Variants in GRM4 observed in about 807,000 individuals in gnomAD.
GRM4 encodes metabotropic glutamate receptor 4.
Under a neutral mutation model 81.7 loss-of-function variants are expected in GRM4, and 28 were observed. That is an observed-to-expected ratio of 0.34 (90% CI 0.25 to 0.47). The LOEUF is 0.47. Ranked by LOEUF, GRM4 falls within the 20% of genes least tolerant of loss-of-function variation. The pLI is 1.00. For synonymous variants in GRM4, 488 were observed against 528.8 expected (o/e 0.92, Z 1.06); for missense variants, 948 against 1,290.0 (o/e 0.73, Z 4.06).
chr6:34,097,002 C>T (rs1264972785), intron 2 of GRM4, among the ~76,000 whole-genome samples: 2 of 152,080 alleles, frequency 1.3e-5, no homozygotes, highest in African/African-American at 2.4e-5. Flanking sequence ...ATGGGTGCCC[C>T]GCACATTCAT....
At position 34,143,362 on chromosome 6, in the gene GRM4, G is replaced by T. The variant is rs185844360; in HGVS notation, c.-364+2638C>A. On this transcript the variant is annotated intron_variant, in intron 1 of 10. Coordinates refer to ENST00000538487, the MANE Select transcript of GRM4 (RefSeq NM_000841.4). ...TGGTGAAGCCCTCCAGGAAGTGAGA[G>T]AGGGGACAAGGCTCCAACCTCCACT... Among the ~76,000 whole-genome samples the T allele has an allele frequency of 5.3e-3, 804 of 152,210 alleles. 10 individuals carry two copies. The highest frequency in any genetic ancestry group is 0.014 in the Middle Eastern group (4 of 294).
intron 2 of GRM4, among the ~76,000 whole-genome samples, chr6:34,093,693 G>A (rs1043385972): frequency 3.9e-5 from 6 of 152,268 alleles, no homozygotes; most frequent in African/African-American, 1.4e-4. Flanking sequence ...ATGACAATAA[G>A]GAAGTTGACT....
chr6:34,057,503 G>A lies in GRM4; in HGVS notation c.1028-819C>T, dbSNP rs978028093. 2.0e-5 allele frequency among the ~76,000 whole-genome samples: 3 copies of A among 152,216 alleles called. No homozygotes were observed. The East Asian group carries it at 5.8e-4, about 29-fold the overall frequency. ...AGCCTCGGCACTGTGGACGCTCTGG[G>A]CGGGATAATTCCTGTGGGGGGCCAT... On this transcript the variant is annotated intron_variant, in intron 5 of 10. Coordinates refer to ENST00000538487, the MANE Select transcript of GRM4 (RefSeq NM_000841.4).
At chr6:34,110,924 C>T in intron 2 of GRM4, 1 of 1,080,096 alleles carries the variant, frequency 9.3e-7, no homozygotes, top group Non-Finnish European at 1.2e-6. Flanking sequence ...TAAGAGCCCA[C>T]AAGGAACAGC....
chr6:34,148,011 C>T (rs1035101037), upstream of GRM4, among the ~76,000 whole-genome samples: 3 of 151,718 alleles, frequency 2.0e-5, no homozygotes, highest in Non-Finnish European at 4.4e-5. Context: ...ACCCCCTGCC[C>T]CTCAGTGTTG....
At chr6:34,147,209 T>A (rs1467490242), upstream of GRM4, among the ~76,000 whole-genome samples, 1 of 152,252 alleles carries the variant, frequency 6.6e-6, no homozygotes, top group Non-Finnish European at 1.5e-5. Context: ...TGCTTTTATT[T>A]TTTTTAATGC....
intron 2 of GRM4, 131 bp downstream of exon 2, chr6:34,132,847 A>G (rs950947158): frequency 1.4e-5 from 10 of 692,232 alleles, no homozygotes; most frequent in Non-Finnish European, 1.9e-5. Flanking sequence ...TGCTCTGAGG[A>G]AAAAACTGTC....
At chr6:34,030,533 G>A (rs1437775502) in intron 9 of GRM4, among the ~76,000 whole-genome samples, 3 of 152,166 alleles carry the variant, frequency 2.0e-5, no homozygotes, top group African/African-American at 7.2e-5. Context: ...TCAGCCCACT[G>A]TGGGATGCTA....
rs56366656 is a variant in GRM4 at position 34,115,526 on chromosome 6, G to C, written c.519+17452C>G. Among the ~76,000 whole-genome samples the C allele has an allele frequency of 0.028, 4,280 of 152,226 alleles. 111 individuals carry two copies. The highest frequency in any genetic ancestry group is 0.074 in the African/African-American group (3,069 of 41,524). ...CCCTGCTCCCAGCCACAAGGTCCTG[G>C]TTCAGGACCTTGGACAGCAGCCTCC... is the stretch of plus-strand genomic sequence containing the variant. On this transcript the variant is annotated intron_variant, in intron 2 of 10. Coordinates refer to ENST00000538487, the MANE Select transcript of GRM4 (RefSeq NM_000841.4). The surrounding 1 kb of genome is among the most constrained non-coding windows in gnomAD (Gnocchi z 4.1).
At chr6:34,127,659 T>A (rs1208472672) in intron 2 of GRM4, among the ~76,000 whole-genome samples, 2 of 152,112 alleles carry the variant, frequency 1.3e-5, no homozygotes, top group Non-Finnish European at 2.9e-5. Context: ...GCTTCTGTAA[T>A]GGGCTGGGTA....
chr6:34,148,326 C>G (rs1351298092), upstream of GRM4, among the ~76,000 whole-genome samples: 2 of 152,048 alleles, frequency 1.3e-5, no homozygotes, highest in Admixed American at 1.3e-4. Flanking sequence ...TCTGCTGGGT[C>G]GTGGCTGACT....
intron 3 of GRM4, among the ~76,000 whole-genome samples, chr6:34,087,161 G>A (rs981192702): frequency 3.0e-4 from 45 of 150,344 alleles, no homozygotes; most frequent in African/African-American, 9.8e-4. Flanking sequence ...GCTCACGCCT[G>A]TAATCCCAGC....
At chr6:34,091,822 A>G (rs1278731083) in intron 3 of GRM4, 61 bp downstream of exon 3, 6 of 1,245,450 alleles carry the variant, frequency 4.8e-6, no homozygotes, top group Non-Finnish European at 6.9e-6. Context: ...CTGGTGGGTC[A>G]GTCACTGTGC....
Position 34,068,163 on chromosome 6 carries a change from GGCT to G in GRM4, c.737-6138_737-6136del, listed in dbSNP as rs1242498537. ...ATGACGTGCTGGAGGGAGACGGGGG[GGCT>G]GCATCCCCTCAGCCCACCTGGATTC... On this transcript the variant is annotated intron_variant, in intron 3 of 10. Coordinates refer to ENST00000538487, the MANE Select transcript of GRM4 (RefSeq NM_000841.4). The surrounding 1 kb of genome is among the most constrained non-coding windows in gnomAD (Gnocchi z 4.2). Among the ~76,000 whole-genome samples, 4 of 152,278 alleles carry G rather than the reference GGCT, an allele frequency of 2.6e-5. No homozygotes were observed. The highest frequency in any genetic ancestry group is 9.6e-5 in the African/African-American group (4 of 41,534).
At chr6:34,154,006 G>A (rs1035611791) in intron 1 of GRM4, among the ~76,000 whole-genome samples, 2 of 152,146 alleles carry the variant, frequency 1.3e-5, no homozygotes, top group African/African-American at 4.8e-5. Flanking sequence ...GACCACATGG[G>A]GTGTTTGGGA....
chr6:34,143,300 G>A (rs1046935564), intron 1 of GRM4, among the ~76,000 whole-genome samples: 4 of 143,386 alleles, frequency 2.8e-5, no homozygotes, highest in Admixed American at 6.9e-5. Context: ...AAAGCCCCCC[G>A]CCCACCGCAC....
intron 2 of GRM4, among the ~76,000 whole-genome samples, chr6:34,095,012 G>A (rs938189266): frequency 5.3e-5 from 8 of 152,196 alleles, no homozygotes; most frequent in African/African-American, 1.9e-4. Context: ...TCAGACCCTG[G>A]CCCAAATCCA....
At chr6:34,061,872 C>T in intron 4 of GRM4, 21 bp downstream of exon 4, 1 of 1,602,040 alleles carries the variant, frequency 6.2e-7, no homozygotes, top group South Asian at 1.1e-5. Context: ...CGGTGCCCAC[C>T]CTGCTGCCAC....
Position 34,091,860 on chromosome 6 carries a change from C to T in GRM4, c.736+23G>A, listed in dbSNP as rs1364725986. 1.9e-6 allele frequency: 3 copies of T among 1,556,378 alleles called. No homozygotes were observed. The Admixed American group carries it at 5.1e-5, about 26-fold the overall frequency. On this transcript the variant is annotated intron_variant, in intron 3 of 10. Transcript: ENST00000538487. ...GGACACCCCCGAGCCTGGCATGACT[C>T]TGCGGCCAGGCGTTTGACTCACCGT...
Sources: allele counts gnomAD v4.1 joint callset (sites outside exome capture counted in the v4.1 genomes callset), GRCh38; gene constraint gnomAD v4.1.1; non-coding constraint Gnocchi (gnomAD v3.1); transcripts MANE v1.5; gene names NCBI Gene and HGNC (gene_info 2026-07-23, HGNC 2026-07-21).